Variants in KIAA1217 observed in about 807,000 individuals in gnomAD.
KIAA1217 encodes sickle tail protein homolog.
KIAA1217 carries 88 observed loss-of-function variants against 163.9 expected under a neutral mutation model. The ratio of observed to expected loss-of-function variants is 0.54; its 90% CI spans 0.45 to 0.64. The LOEUF is 0.64. KIAA1217 is among the 30% of genes least tolerant of loss of function. The pLI is 0.00. For synonymous variants in KIAA1217, 903 were observed against 923.1 expected, an observed-to-expected ratio of 0.98 and a Z score of 0.39; for missense variants, 2,372 against 2,475.0, an observed-to-expected ratio of 0.96 and a Z score of 0.88.
intron 2 of KIAA1217, among the ~76,000 whole-genome samples, chr10:24,065,408 G>T (rs1441971056): frequency 2.6e-5 from 4 of 152,290 alleles, no homozygotes; most frequent in Non-Finnish European, 5.9e-5. Flanking sequence ...TTACCCAGTA[G>T]TCATTCAGGA....
chr10:24,166,496 G>C (rs1425089152), intron 2 of KIAA1217, among the ~76,000 whole-genome samples: 1 of 152,130 alleles, frequency 6.6e-6, no homozygotes, highest in Non-Finnish European at 1.5e-5. Context: ...CCAGCACTTT[G>C]GCAGGTCAAG....
At chr10:24,495,257 G>A in intron 8 of KIAA1217, 61 bp downstream of exon 8, 2 of 1,378,260 alleles carry the variant, frequency 1.5e-6, no homozygotes, top group Non-Finnish European at 2.0e-6. Context: ...AGCCCTGGCT[G>A]GTCTCAGAAA....
chr10:23,890,893 T>G (rs1043959987), intron 1 of KIAA1217, among the ~76,000 whole-genome samples: 2 of 151,986 alleles, frequency 1.3e-5, no homozygotes, highest in Non-Finnish European at 2.9e-5. Context: ...TTTTGTCGGT[T>G]TTAGCTTATA....
chr10:23,720,539 T>G (rs1241453612), intron 1 of KIAA1217, among the ~76,000 whole-genome samples: 3 of 151,606 alleles, frequency 2.0e-5, no homozygotes, highest in African/African-American at 7.3e-5. Flanking sequence ...GGTTTGGGAG[T>G]GGGTGGCATA....
intron 1 of KIAA1217, among the ~76,000 whole-genome samples, chr10:23,891,296 A>G (rs529290434): frequency 1.3e-5 from 2 of 151,768 alleles, no homozygotes; most frequent in East Asian, 3.9e-4. Context: ...TATTCTTTTA[A>G]TGTTTCTTTA....
chr10:24,081,003 A>G (rs1003876116), intron 2 of KIAA1217, among the ~76,000 whole-genome samples: 1 of 152,202 alleles, frequency 6.6e-6, no homozygotes, highest in East Asian at 1.9e-4. Flanking sequence ...TCTACATCTT[A>G]CTGAGGGTTT....
intron 2 of KIAA1217, among the ~76,000 whole-genome samples, chr10:24,375,573 T>C (rs553673220): frequency 2.0e-5 from 3 of 152,350 alleles, no homozygotes; most frequent in South Asian, 4.1e-4. Context: ...GAATTTTGAC[T>C]GGGTTTGAGT....
chr10:24,455,325 A>T (rs2061684494), intron 5 of KIAA1217, among the ~76,000 whole-genome samples: 3 of 152,218 alleles, frequency 2.0e-5, no homozygotes, highest in Admixed American at 2.0e-4. Flanking sequence ...ATATAATTTT[A>T]TATTTTAAAT....
chr10:23,994,944 AT>A (rs1286248254), intron 1 of KIAA1217, among the ~76,000 whole-genome samples: 2 of 152,198 alleles, frequency 1.3e-5, no homozygotes. Flanking sequence ...TGAAATATGA[AT>A]GCATTATTTA....
rs1254947394 is a variant in KIAA1217 at position 23,714,819 on chromosome 10, GGC to G, written c.-321+19586_-321+19587del. 3.3e-5 allele frequency among the ~76,000 whole-genome samples: 5 copies of G among 152,144 alleles called. No homozygotes were observed. The East Asian group carries it at 9.7e-4, about 29-fold the overall frequency. Reference sequence around the variant, plus strand: ...AGGGTGGTTTATTGGGGAACTCATGGGCAGAAGCATGGTCTTGGGCAGTCATA... The same window carrying G: ...AGGGTGGTTTATTGGGGAACTCATGGAGAAGCATGGTCTTGGGCAGTCATA... On this transcript the variant is annotated intron_variant, in intron 1 of 18. Coordinates refer to the KIAA1217 transcript ENST00000376462.
intron 1 of KIAA1217, among the ~76,000 whole-genome samples, chr10:23,958,865 C>A (rs1484984661): frequency 6.6e-6 from 1 of 151,310 alleles, no homozygotes; most frequent in African/African-American, 2.4e-5. Context: ...CTCTCGCAGA[C>A]AGGCTCTTCC....
chr10:24,487,700 T>C (rs1387789977), intron 6 of KIAA1217, among the ~76,000 whole-genome samples: 2 of 152,214 alleles, frequency 1.3e-5, no homozygotes, highest in Non-Finnish European at 2.9e-5. Context: ...GTAAGTGAAA[T>C]GCAGAACATT....
intron 1 of KIAA1217, among the ~76,000 whole-genome samples, chr10:23,839,190 C>G (rs1838647309): frequency 6.6e-6 from 1 of 152,104 alleles, no homozygotes; most frequent in African/African-American, 2.4e-5. Context: ...CTTCCTGTGT[C>G]TCAGACAGCT....
chr10:24,108,332 G>T (rs921921077), intron 2 of KIAA1217, among the ~76,000 whole-genome samples: 12 of 152,192 alleles, frequency 7.9e-5, no homozygotes, highest in African/African-American at 2.9e-4. Flanking sequence ...TTATTAACTA[G>T]AATTCAATGA....
At chr10:23,777,196 A>G (rs1297690801) in intron 1 of KIAA1217, among the ~76,000 whole-genome samples, 2 of 152,228 alleles carry the variant, frequency 1.3e-5, no homozygotes, top group African/African-American at 4.8e-5. Context: ...TAAAGTTAAA[A>G]TCTTGCTTAT....
chr10:24,346,256 G>A (rs954153808), intron 2 of KIAA1217, among the ~76,000 whole-genome samples: 3 of 152,078 alleles, frequency 2.0e-5, no homozygotes, highest in African/African-American at 7.2e-5. Flanking sequence ...ACCAGGTCCG[G>A]AGATCGAGAC....
intron 3 of KIAA1217, among the ~76,000 whole-genome samples, chr10:24,427,253 T>A (rs1052216866): frequency 6.6e-6 from 1 of 151,682 alleles, no homozygotes; most frequent in African/African-American, 2.4e-5. Flanking sequence ...AACCCTGTGA[T>A]GGCATTCCCT....
chr10:24,063,899 A>C (rs1417855349), intron 2 of KIAA1217, among the ~76,000 whole-genome samples: 2 of 152,142 alleles, frequency 1.3e-5, no homozygotes, highest in African/African-American at 4.8e-5. Context: ...TTCCCTTTGA[A>C]GCAATTGTGA....
chr10:23,951,254 C>T (rs144815018), intron 1 of KIAA1217, among the ~76,000 whole-genome samples: 1 of 152,206 alleles, frequency 6.6e-6, no homozygotes, highest in East Asian at 1.9e-4. Context: ...ATAAGAAGAA[C>T]AAGGCTGAAG....
Sources: allele counts gnomAD v4.1 joint callset (sites outside exome capture counted in the v4.1 genomes callset), GRCh38; gene constraint gnomAD v4.1.1; transcripts MANE v1.5; gene names NCBI Gene and HGNC (gene_info 2026-07-23, HGNC 2026-07-21).